The following SRPK2 variants were observed in gnomAD, a reference collection of about 807,000 sequenced individuals.
SRPK2 encodes SRSF protein kinase 2, also known as SFRS protein kinase 2.
Under a neutral mutation model 90.8 loss-of-function variants are expected in SRPK2, and 21 were observed. The observed-to-expected ratio is 0.23, with a 90% confidence interval of 0.16 to 0.33. The LOEUF (loss-of-function observed/expected upper bound fraction) is 0.33, where lower values mean the gene tolerates loss of function less well. SRPK2 is among the 10% of genes least tolerant of loss of function. The pLI, the probability that SRPK2 is intolerant of heterozygous loss-of-function variation, is 1.00. For missense variants in SRPK2, 620 were observed against 869.0 expected, an observed-to-expected ratio of 0.71 and a Z score of 3.60; for synonymous variants, 288 against 311.1, an observed-to-expected ratio of 0.93 and a Z score of 0.78.
chr7:105,319,310 A>G (rs944438046), intron 2 of SRPK2, among the ~76,000 whole-genome samples: 5 of 152,108 alleles, frequency 3.3e-5, no homozygotes, highest in Non-Finnish European at 7.4e-5. Context: ...GTTCGTTTCT[A>G]AGAATAGAAG....
At chr7:105,389,378 G>GT (rs1563325496), upstream of SRPK2, 2 of 1,253,550 alleles carry the variant, frequency 1.6e-6, no homozygotes, top group Non-Finnish European at 2.1e-6. Flanking sequence ...CATGAGCGCC[G>GT]CTTCCTCCTC....
intron 2 of SRPK2, among the ~76,000 whole-genome samples, chr7:105,269,690 G>C (rs1805572743): frequency 6.6e-6 from 1 of 152,106 alleles, no homozygotes; most frequent in Non-Finnish European, 1.5e-5. Context: ...GGGAAGGAAG[G>C]GTGAAAATAA....
At chr7:105,389,259 C>G, upstream of SRPK2, 1 of 1,257,444 alleles carries the variant, frequency 8.0e-7, no homozygotes, top group Non-Finnish European at 1.0e-6. Flanking sequence ...CCGGTCGCGC[C>G]GCCCGCTGCT....
At chr7:105,127,173 A>T (rs2129574007) in intron 13 of SRPK2, 111 bp from the exon 14 acceptor site, 1 of 947,682 alleles carries the variant, frequency 1.1e-6, no homozygotes, top group African/African-American at 1.6e-5. Context: ...AATCAAACAA[A>T]ATAGCCTCCT....
intron 2 of SRPK2, among the ~76,000 whole-genome samples, chr7:105,219,619 G>A (rs534466040): frequency 4.1e-4 from 63 of 152,282 alleles, no homozygotes; most frequent in Non-Finnish European, 5.7e-4. Flanking sequence ...TAGTCCCTAC[G>A]TACTTAGTAG....
chr7:105,331,030 G>T (rs182847915), intron 2 of SRPK2, among the ~76,000 whole-genome samples: 19 of 151,928 alleles, frequency 1.3e-4, no homozygotes, highest in Middle Eastern at 6.8e-3. Flanking sequence ...GGCCGGGCAC[G>T]ATGGCTCACG....
At chr7:105,343,627 C>T (rs187135818) in intron 2 of SRPK2, among the ~76,000 whole-genome samples, 590 of 152,000 alleles carry the variant, frequency 3.9e-3, no homozygotes, top group Non-Finnish European at 6.5e-3. Context: ...TTCCTACATA[C>T]GTTTTCTAAC....
At position 105,319,795 on chromosome 7, in the gene SRPK2, C is replaced by T. The variant is rs181121715; in HGVS notation, c.71+68853G>A. 1.9e-3 allele frequency among the ~76,000 whole-genome samples: 291 copies of T among 151,940 alleles called. 2 individuals carry two copies. The highest frequency in any genetic ancestry group is 6.7e-3 in the African/African-American group (279 of 41,434). ...AAACTGTGTTCAGCTAAGGCAAATG[C>T]TGACCTGTAACCAACCTGACTGTTT... On this transcript the variant is annotated intron_variant, in intron 2 of 15. Coordinates refer to ENST00000393651, the MANE Select transcript of SRPK2 (RefSeq NM_182692.3).
intron 2 of SRPK2, among the ~76,000 whole-genome samples, chr7:105,280,545 A>G (rs929778144): frequency 3.3e-5 from 5 of 151,934 alleles, no homozygotes; most frequent in African/African-American, 1.2e-4. Context: ...CTTCTTTGGT[A>G]AGCCAACACC....
At chr7:105,261,453 G>A (rs970052901) in intron 2 of SRPK2, among the ~76,000 whole-genome samples, 17 of 151,938 alleles carry the variant, frequency 1.1e-4, no homozygotes, top group Non-Finnish European at 2.2e-4. Flanking sequence ...CCTGGGAGGC[G>A]GAGCTTGCAG....
intron 2 of SRPK2, among the ~76,000 whole-genome samples, chr7:105,205,748 C>A (rs1796153754): frequency 6.6e-6 from 1 of 152,114 alleles, no homozygotes. Context: ...CAGTAGTTTG[C>A]CACTTCCCCA....
chr7:105,130,308 T>C (rs1007700303), intron 13 of SRPK2, among the ~76,000 whole-genome samples: 1 of 152,178 alleles, frequency 6.6e-6, no homozygotes, highest in Non-Finnish European at 1.5e-5. Context: ...CCCAGCACTA[T>C]GGGAGACCAG....
chr7:105,306,629 C>T, intron 2 of SRPK2: 1 of 377,288 alleles, frequency 2.7e-6, no homozygotes. Context: ...GCTATCCTCT[C>T]GTTGGCAAGA....
At chr7:105,296,258 A>G (rs1429343072) in intron 2 of SRPK2, among the ~76,000 whole-genome samples, 1 of 152,210 alleles carries the variant, frequency 6.6e-6, no homozygotes, top group Non-Finnish European at 1.5e-5. Context: ...TACAAAAGTA[A>G]TATCATACAC....
chr7:105,228,678 C>T (rs913807860), intron 2 of SRPK2, among the ~76,000 whole-genome samples: 5 of 152,198 alleles, frequency 3.3e-5, no homozygotes, highest in Non-Finnish European at 7.3e-5. Flanking sequence ...CTAGGCAGCG[C>T]CACAAGCGGC....
intron 2 of SRPK2, among the ~76,000 whole-genome samples, chr7:105,265,422 G>A (rs531316502): frequency 1.1e-4 from 16 of 152,192 alleles, no homozygotes; most frequent in African/African-American, 3.9e-4. Flanking sequence ...TGAAGGACTT[G>A]AGCATCTGTG....
At chr7:105,303,939 C>T (rs565592441) in intron 2 of SRPK2, among the ~76,000 whole-genome samples, 2 of 152,186 alleles carry the variant, frequency 1.3e-5, no homozygotes, top group Non-Finnish European at 2.9e-5. Flanking sequence ...TTGTTAACAG[C>T]TGAAAAAAAC....
At chr7:105,204,190 G>A (rs544470834) in intron 2 of SRPK2, among the ~76,000 whole-genome samples, 4 of 152,282 alleles carry the variant, frequency 2.6e-5, no homozygotes, top group Middle Eastern at 6.8e-3. Flanking sequence ...GGCGCAAGCA[G>A]CACTCAACTT....
chr7:105,288,800 C>T (rs905712168), intron 2 of SRPK2, among the ~76,000 whole-genome samples: 29 of 152,084 alleles, frequency 1.9e-4, no homozygotes, highest in African/African-American at 6.5e-4. Context: ...TTCTCCTGGA[C>T]CATGCAGAGG....
Sources: gnomAD v4.1 joint callset for allele counts (sites outside exome capture counted in the v4.1 genomes callset) on GRCh38, gnomAD v4.1.1 for gene constraint, MANE v1.5 for transcripts, NCBI Gene and HGNC (gene_info 2026-07-23, HGNC 2026-07-21) for gene names.